The following PRKAR1A variants were observed in gnomAD, a reference collection of about 807,000 sequenced individuals.
PRKAR1A encodes the protein cAMP-dependent protein kinase type I-alpha regulatory subunit.
PRKAR1A carries 3 observed loss-of-function variants against 52.0 expected under a neutral mutation model. The ratio of observed to expected loss-of-function variants is 0.06; its 90% CI spans 0.03 to 0.15. PRKAR1A has a LOEUF of 0.15. Ranked by LOEUF, PRKAR1A falls within the 10% of genes least tolerant of loss-of-function variation. The pLI is 1.00. For synonymous variants in PRKAR1A, 188 were observed against 168.4 expected (o/e 1.12, Z -0.90); for missense variants, 240 against 477.4 (o/e 0.50, Z 4.63).
chr17:68,420,266 G>C, the PRKAR1A span: 1 of 1,614,152 alleles, frequency 6.2e-7, no homozygotes, highest in Non-Finnish European at 8.5e-7. Context: ...CCTGGAAGAC[G>C]ATACCGCAGA....
the PRKAR1A span, among the ~76,000 whole-genome samples, chr17:68,483,234 A>G: frequency 6.6e-6 from 1 of 152,072 alleles, no homozygotes; most frequent in Non-Finnish European, 1.5e-5. Flanking sequence ...TAATCCCAGT[A>G]CTTTGGGAGG....
At chr17:68,449,657 C>A in the PRKAR1A span, among the ~76,000 whole-genome samples, 35 of 152,180 alleles carry the variant, frequency 2.3e-4, no homozygotes, top group Admixed American at 1.3e-4. Flanking sequence ...ACGTAAGACG[C>A]CTGCTCCCGC....
chr17:68,478,913 A>C, the PRKAR1A span, among the ~76,000 whole-genome samples: 1 of 152,224 alleles, frequency 6.6e-6, no homozygotes, highest in South Asian at 2.1e-4. Context: ...TTTTTAGTAG[A>C]GACGGGGTTT....
chr17:68,513,558 A>G lies in PRKAR1A; in HGVS notation c.-7+1010A>G, dbSNP rs143346228. On this transcript the variant is annotated intron_variant, in intron 1 of 10. Coordinates refer to ENST00000589228, the MANE Select transcript of PRKAR1A (RefSeq NM_002734.5). ...GAGTGTTTTGTTTTACATAGAGACA[A>G]TGCAGCGAAAGTTTTAAAGCAGTTA... is the stretch of plus-strand genomic sequence containing the variant. Among the ~76,000 whole-genome samples the G allele has an allele frequency of 1.8e-3, 271 of 152,352 alleles. 2 individuals are homozygous for G. The highest frequency in any genetic ancestry group is 5.6e-3 in the African/African-American group (234 of 41,582).
the PRKAR1A span, among the ~76,000 whole-genome samples, chr17:68,470,084 ATTTT>A: frequency 7.1e-6 from 1 of 141,144 alleles, no homozygotes; most frequent in African/African-American, 2.6e-5. Context: ...AACATCTTAG[ATTTT>A]TTTTTTTTTT....
chr17:68,540,029 G>A, intron 11 of PRKAR1A: 3 of 1,443,472 alleles, frequency 2.1e-6, no homozygotes, highest in Non-Finnish European at 2.9e-6. Flanking sequence ...CTCCTGACCT[G>A]AGTTCTCTCC....
chr17:68,528,351 T>C (rs993693745), intron 8 of PRKAR1A, among the ~76,000 whole-genome samples: 4 of 152,250 alleles, frequency 2.6e-5, no homozygotes, highest in Non-Finnish European at 5.9e-5. Context: ...TTACAGTGAA[T>C]TTTTCACCTC....
intron 9 of PRKAR1A, among the ~76,000 whole-genome samples, chr17:68,529,572 C>T (rs1212528230): frequency 6.6e-6 from 1 of 152,222 alleles, no homozygotes; most frequent in Non-Finnish European, 1.5e-5. Flanking sequence ...AAAGTCTCAA[C>T]TCTTGTCATA....
At chr17:68,457,243 C>T in the PRKAR1A span, 17 of 1,415,814 alleles carry the variant, frequency 1.2e-5, no homozygotes, top group African/African-American at 3.0e-5. Flanking sequence ...CCGCCGAGGC[C>T]GCCTCGAGGC....
chr17:68,522,510 C>G (rs997591403), intron 2 of PRKAR1A, among the ~76,000 whole-genome samples: 5 of 152,266 alleles, frequency 3.3e-5, no homozygotes, highest in Non-Finnish European at 7.4e-5. Context: ...GTACTAATGG[C>G]TTGTACTAAT....
chr17:68,523,595 T>C, intron 3 of PRKAR1A, 130 bp from the exon 4 acceptor site: 1 of 725,612 alleles, frequency 1.4e-6, no homozygotes, highest in East Asian at 2.6e-5. Context: ...AAGTGTGTTG[T>C]AGTGAAACAC....
chr17:68,435,760 G>A, the PRKAR1A span: 1 of 1,556,940 alleles, frequency 6.4e-7, no homozygotes, highest in Non-Finnish European at 8.9e-7. Flanking sequence ...GAGGAGGGAA[G>A]ATGGATTTCA....
chr17:68,472,178 GC>G, the PRKAR1A span, among the ~76,000 whole-genome samples: 1 of 152,142 alleles, frequency 6.6e-6, no homozygotes, highest in Non-Finnish European at 1.5e-5. Flanking sequence ...CTTCCCCAGT[GC>G]CCCACCCACA....
the PRKAR1A span, among the ~76,000 whole-genome samples, chr17:68,450,354 C>T: frequency 6.6e-6 from 1 of 152,318 alleles, no homozygotes; most frequent in African/African-American, 2.4e-5. Context: ...CAATGAATGA[C>T]ACTATCTAGG....
Position 68,523,784 on chromosome 17 carries a change from G to T in PRKAR1A, c.408G>T (p.Val136=). ...AALAKAIEKN[V]LFSHLDDNER... is the part of the protein sequence containing the mutation. ...TAGCCAAAGCCATTGAAAAGAATGT[G>T]CTGTTTTCACATCTTGATGATAATG... The change falls in exon 4 of 11, where the codon GTG becomes GTT. Residue 136 remains valine, a synonymous_variant. Transcript: ENST00000589228. 6.2e-7 allele frequency: 1 copy of T among 1,613,802 alleles called. No homozygotes were observed. Among genetic ancestry groups the T allele is most frequent in the Non-Finnish European group, 8.5e-7 (1 of 1,179,950 alleles).
the PRKAR1A span, among the ~76,000 whole-genome samples, chr17:68,485,461 C>G: frequency 1.3e-5 from 2 of 152,128 alleles, no homozygotes; most frequent in African/African-American, 4.8e-5. Flanking sequence ...AAAAATATTT[C>G]CCTTTTAGTG....
intron 11 of PRKAR1A, among the ~76,000 whole-genome samples, chr17:68,547,849 C>T (rs992249194): frequency 6.6e-6 from 1 of 152,238 alleles, no homozygotes. Context: ...GCATTCACAA[C>T]TTGCCTGACT....
chr17:68,435,786 T>A, the PRKAR1A span: 2 of 1,356,004 alleles, frequency 1.5e-6, no homozygotes, highest in Non-Finnish European at 2.1e-6. Flanking sequence ...CTCCCCTTCC[T>A]CTTTTCTCCT....
the PRKAR1A span, among the ~76,000 whole-genome samples, chr17:68,434,886 C>T: frequency 6.6e-6 from 1 of 151,904 alleles, no homozygotes; most frequent in Admixed American, 6.5e-5. Context: ...GTGTGTTCAC[C>T]CAACTGCTCT....
Sources: allele counts gnomAD v4.1 joint callset (sites outside exome capture counted in the v4.1 genomes callset), GRCh38; gene constraint gnomAD v4.1.1; transcripts MANE v1.5; gene names NCBI Gene and HGNC (gene_info 2026-07-23, HGNC 2026-07-21).